RECQL5: variants seen among roughly 807,000 people sequenced by gnomAD.
RECQL5 encodes the protein ATP-dependent DNA helicase Q5.
RECQL5 carries 88 observed loss-of-function variants against 103.4 expected under a neutral mutation model. The observed-to-expected ratio is 0.85, with a 90% CI of 0.72 to 1.02. RECQL5 has a LOEUF of 1.02. Ranked by LOEUF, RECQL5 falls within the 50% of genes least tolerant of loss-of-function variation. RECQL5 has a pLI of 0.00. For missense variants in RECQL5, 1,232 were observed against 1,284.3 expected (o/e 0.96, Z 0.62); for synonymous variants, 552 against 507.9 (o/e 1.09, Z -1.17).
chr17:75,660,124 T>C (rs1389387232), intron 6 of RECQL5, among the ~76,000 whole-genome samples: 2 of 152,110 alleles, frequency 1.3e-5, no homozygotes, highest in African/African-American at 4.8e-5. Context: ...TGAAGTGCAG[T>C]GGCATGATCT....
intron 7 of RECQL5, among the ~76,000 whole-genome samples, chr17:75,656,082 G>A (rs1036341578): frequency 2.0e-5 from 3 of 151,554 alleles, no homozygotes; most frequent in Non-Finnish European, 4.4e-5. Context: ...AGCTTTTTTT[G>A]GTTTATTTTG....
rs114867126 is a variant in RECQL5, at chr17:75,662,712, G to A, written c.538C>T (p.Arg180Cys). 6 of 1,613,964 alleles carry A rather than the reference G, an allele frequency of 3.7e-6. No individual in the cohort carries two copies. The highest frequency in any genetic ancestry group is 2.7e-5 in the African/African-American group (2 of 75,050). The change falls in exon 4 of 20, where the codon CGC becomes TGC. Residue 180 changes from arginine to cysteine, a missense_variant. Coordinates refer to ENST00000317905, the MANE Select transcript of RECQL5 (RefSeq NM_004259.7). ...CAAGGGGCATGTCCCAGGCGGGAGC[G>A]CAGGGCACCCAGACGCAAGTAGTCA... ...RPDYLRLGAL[R>C]SRLGHAPCVA...
Position 75,629,356 on chromosome 17 carries a change from G to C in RECQL5, c.2067C>G (p.Gly689=). The change falls in exon 16 of 20, where the codon GGC becomes GGG. Residue 689 remains glycine (G), a synonymous_variant. Transcript: ENST00000317905. The part of the protein sequence containing the change: ...REQAPQPERG[G]EHEPPSRPCG... ...AGGGCCGGCTCGGGGGCTCGTGCTC[G>C]CCTCCCCGCTCGGGCTGGGGGGCTT... 6.6e-7 allele frequency: 1 copy of C among 1,513,434 alleles called. No homozygotes were observed. The highest frequency in any genetic ancestry group is 8.8e-7 in the Non-Finnish European group (1 of 1,131,422). 93.8% of individuals were successfully genotyped at this position (1,513,434 alleles called of 1,614,324 possible). A position where few individuals can be genotyped will look rare whatever the true frequency, so the allele number is the denominator to read the frequency against.
chr17:75,660,610 C>T (rs1042965519), intron 6 of RECQL5, among the ~76,000 whole-genome samples: 3 of 152,194 alleles, frequency 2.0e-5, no homozygotes, highest in African/African-American at 4.8e-5. Context: ...TGTCATTGAC[C>T]GAAACATCAA....
intron 8 of RECQL5, chr17:75,635,816 T>C: frequency 1.0e-6 from 1 of 985,410 alleles, no homozygotes; most frequent in Non-Finnish European, 1.2e-6. Flanking sequence ...CGCTTATCAG[T>C]CTCAAACACG....
intron 8 of RECQL5, chr17:75,634,309 C>T (rs191240663): frequency 1.4e-4 from 134 of 963,390 alleles, no homozygotes; most frequent in Admixed American, 3.1e-4. Context: ...GAGAGGTCTT[C>T]GGGGACATGC....
chr17:75,637,584 A>G (rs2148274441), intron 8 of RECQL5: 1 of 152,428 alleles, frequency 6.6e-6, no homozygotes, highest in Non-Finnish European at 1.5e-5. Context: ...GTTCAGTCCT[A>G]CACTCAGGCT....
Position 75,631,552 on chromosome 17 carries a change from C to T in RECQL5, c.1346G>A (p.Arg449His), listed in dbSNP as rs372347188. 187 of 1,612,970 alleles carry T rather than the reference C, an allele frequency of 1.2e-4. No individual in the cohort carries two copies. The highest frequency in any genetic ancestry group is 5.8e-4 in the Admixed American group (35 of 60,000). The part of the protein sequence containing the change: ...AVRRRLEALE[R>H]SSSWSKTCIG... ...GCAGGTCTTGCTCCAGCTGCTGCTG[C>T]GCTCCAAGGCCTCCAGCCGCCTCCG... The change falls in exon 9 of 20, where the codon CGC (arginine) becomes CAC (histidine). Residue 449 changes from arginine to histidine, a missense_variant. Arg to His is a conservative substitution (Grantham distance 29). Coordinates refer to ENST00000317905, the MANE Select transcript of RECQL5 (RefSeq NM_004259.7).
intron 5 of RECQL5, 104 bp from the exon 6 acceptor site, chr17:75,661,170 G>C: frequency 3.6e-6 from 3 of 840,850 alleles, no homozygotes; most frequent in South Asian, 2.8e-5. Flanking sequence ...CACAAACCCT[G>C]AATCTTTCAC....
intron 6 of RECQL5, among the ~76,000 whole-genome samples, chr17:75,659,882 T>C (rs1280240870): frequency 6.6e-6 from 1 of 152,182 alleles, no homozygotes; most frequent in Non-Finnish European, 1.5e-5. Flanking sequence ...ATAAAAGACT[T>C]CCTATTAGTT....
In RECQL5 at chr17:75,627,242, A is replaced by G; in HGVS notation, c.*180T>C. On this transcript the variant is annotated 3_prime_UTR_variant, in exon 20 of 20. Coordinates refer to ENST00000317905, the MANE Select transcript of RECQL5 (RefSeq NM_004259.7). ...TCTATAGGCTTTGCAAGCAGAAAGAAAGGTGGGCTGACCTCTGACCTGGAT... is the reference window on the plus strand; with the variant it reads ...TCTATAGGCTTTGCAAGCAGAAAGAGAGGTGGGCTGACCTCTGACCTGGAT... 1 of 679,440 alleles carries G rather than the reference A, an allele frequency of 1.5e-6. No homozygotes were observed. The highest frequency in any genetic ancestry group is 2.7e-6 in the Non-Finnish European group (1 of 373,304). 42.1% of individuals were successfully genotyped at this position (679,440 alleles called of 1,614,324 possible).
chr17:75,628,776 G>A lies in RECQL5; in HGVS notation c.2490-14C>T. The A allele has an allele frequency of 6.2e-7, 1 of 1,603,112 alleles. No homozygotes were observed. On this transcript the variant is annotated splice_polypyrimidine_tract_variant and intron_variant, in intron 16 of 19. Transcript: ENST00000317905. Reference sequence around the variant, plus strand: ...GGCGGGCAGGTGCTGGTAGAGGGAAGAGCAGGCATCACAGCACTGGGTCCT... The same window carrying A: ...GGCGGGCAGGTGCTGGTAGAGGGAAAAGCAGGCATCACAGCACTGGGTCCT...
intron 8 of RECQL5, chr17:75,635,857 G>A (rs910542139): frequency 1.4e-5 from 14 of 985,346 alleles, no homozygotes; most frequent in Admixed American, 6.1e-5. Context: ...CTCGTGAGGC[G>A]CCTGGGGTTG....
chr17:75,651,005 G>A (rs992281627), intron 8 of RECQL5, 181 bp downstream of exon 8: 19 of 1,511,900 alleles, frequency 1.3e-5, no homozygotes, highest in African/African-American at 1.4e-5. Flanking sequence ...GAGAGATCCC[G>A]GGGCCTCCAA....
chr17:75,634,075 C>T, intron 8 of RECQL5: 1 of 985,628 alleles, frequency 1.0e-6, no homozygotes, highest in Non-Finnish European at 1.2e-6. Context: ...CAGCAGCTGG[C>T]TGTCAGCAGA....
intron 7 of RECQL5, among the ~76,000 whole-genome samples, chr17:75,653,823 G>A (rs563953560): frequency 6.6e-6 from 1 of 151,950 alleles, no homozygotes; most frequent in Non-Finnish European, 1.5e-5. Context: ...GCTTGAACCT[G>A]GGAGATGGAG....
chr17:75,644,027 G>A (rs1045228233), intron 8 of RECQL5, among the ~76,000 whole-genome samples: 2 of 152,234 alleles, frequency 1.3e-5, no homozygotes, highest in East Asian at 3.8e-4. Flanking sequence ...AATAGGGATG[G>A]GCGTGGTGAC....
Position 75,631,159 on chromosome 17 carries a change from C to T in RECQL5, c.1539G>A (p.Gln513=). The stretch of plus-strand genomic sequence containing the variant: ...GAGTGCCTCCCCTCACCTTGCGCAG[C>T]TGCATCTGCTTCTGATAGAAGAGGT... ...EWNLFYQKQM[Q]LRKGKDPKIE... The change falls in exon 10 of 20, where the codon CAG becomes CAA. Residue 513 remains glutamine (Q), a synonymous_variant. Transcript: ENST00000317905. 1.2e-6 allele frequency: 2 copies of T among 1,613,858 alleles called. No homozygotes were observed. Among genetic ancestry groups the T allele is most frequent in the Non-Finnish European group, 1.7e-6 (2 of 1,180,004 alleles).
At position 75,640,780 on chromosome 17, in the gene RECQL5, C is replaced by T. The variant is rs375715008; in HGVS notation, c.1230-9112G>A. Reference sequence around the variant, plus strand: ...CCAACCTGAGTCCCGTGCTCTCTCCCGGCCCTCCAGCTACTGTTCTGCTGT... The same window carrying T: ...CCAACCTGAGTCCCGTGCTCTCTCCTGGCCCTCCAGCTACTGTTCTGCTGT... On this transcript the variant is annotated intron_variant, in intron 8 of 19. Transcript: ENST00000317905. This position sits in a 1 kb window ranked among gnomAD's most constrained non-coding sequence, Gnocchi z 4.6. The T allele has an allele frequency of 1.7e-5, 27 of 1,549,278 alleles. No individual in the cohort carries two copies. Among genetic ancestry groups the T allele is most frequent in the Middle Eastern group, 1.7e-4 (1 of 6,006 alleles).
Sources: gnomAD v4.1 joint callset for allele counts (sites outside exome capture counted in the v4.1 genomes callset) on GRCh38, gnomAD v4.1.1 for gene constraint, Gnocchi (gnomAD v3.1) non-coding constraint, MANE v1.5 for transcripts, NCBI Gene and HGNC (gene_info 2026-07-23, HGNC 2026-07-21) for gene names.